The following ANKS1A variants were observed in gnomAD, a reference collection of about 807,000 sequenced individuals.
ANKS1A encodes the protein ankyrin repeat and SAM domain-containing protein 1A.
Under a neutral mutation model 120.3 loss-of-function variants are expected in ANKS1A, and 55 were observed. The ratio of observed to expected loss-of-function variants is 0.46; its 90% CI spans 0.37 to 0.57. The LOEUF is 0.57. Among genes scored for constraint, ANKS1A ranks in the 20% least tolerant of loss-of-function variants. The probability of loss-of-function intolerance (pLI) is 0.00; values close to 1 mark genes in which losing one functional copy is unlikely to be tolerated. For synonymous variants in ANKS1A, 590 were observed against 604.7 expected, an observed-to-expected ratio of 0.98 and a Z score of 0.36; for missense variants, 1,123 against 1,480.3, an observed-to-expected ratio of 0.76 and a Z score of 3.96.
chr6:35,048,830 C>T (rs1420929822), intron 11 of ANKS1A, among the ~76,000 whole-genome samples: 2 of 152,214 alleles, frequency 1.3e-5, no homozygotes, highest in Admixed American at 1.3e-4. Flanking sequence ...CACAGAGCAT[C>T]TGGTGAGGCT....
At position 35,000,105 on chromosome 6, in the gene ANKS1A, C is replaced by G. The variant is rs118138242; in HGVS notation, c.1423+5683C>G. On this transcript the variant is annotated intron_variant, in intron 10 of 23. Transcript: ENST00000360359. ...GTATTCTTCGTAACCCTGTAACACT[C>G]TAATACCACTTTGTTGTCAGTGTAG... Among the ~76,000 whole-genome samples, 1,497 of 152,272 alleles carry G rather than the reference C, an allele frequency of 9.8e-3. 38 individuals are homozygous for G. The East Asian group carries it at 0.1, about 11-fold the overall frequency.
rs1291162549 is a variant in ANKS1A, at chr6:35,057,823, TA to T, written c.2078-2323del. Among the ~76,000 whole-genome samples, 7 of 152,244 alleles carry T rather than the reference TA, an allele frequency of 4.6e-5. No individual in the cohort carries two copies. The highest frequency in any genetic ancestry group is 3.3e-4 in the Admixed American group (5 of 15,288). On this transcript the variant is annotated intron_variant, in intron 12 of 23. Coordinates refer to ENST00000360359, the MANE Select transcript of ANKS1A (RefSeq NM_015245.3). This position sits in a 1 kb window ranked among gnomAD's most constrained non-coding sequence, Gnocchi z 4.1. ...GCACAGTCATTCGTAAAGTGGCAAG[TA>T]GGGGGGTCACTTACCTGTGGGCTAT...
chr6:34,973,965 GCCTTCC>G (rs1267727221), intron 3 of ANKS1A, among the ~76,000 whole-genome samples: 1,727 of 16,796 alleles, frequency 0.1, 121 homozygotes, highest in East Asian at 0.35. Flanking sequence ...CCTTCCCCTT[GCCTTCC>G]CCTTCCCCTT....
At position 35,086,150 on chromosome 6, in the gene ANKS1A, C is replaced by A; in HGVS notation, c.3303+214C>A. ...GGCGGGCCTCTCATGCTCCTGTTTCCCTCCCTCGCTGGGCTCCCCCAAGGG... is the reference window on the plus strand; with the variant it reads ...GGCGGGCCTCTCATGCTCCTGTTTCACTCCCTCGCTGGGCTCCCCCAAGGG... On this transcript the variant is annotated intron_variant, in intron 22 of 23. Transcript: ENST00000360359. This position sits in a 1 kb window ranked among gnomAD's most constrained non-coding sequence, Gnocchi z 5.1. 8.4e-7 allele frequency: 1 copy of A among 1,187,404 alleles called. No homozygotes were observed. Among genetic ancestry groups the A allele is most frequent in the Non-Finnish European group, 1.2e-6 (1 of 861,790 alleles). 73.6% of individuals were successfully genotyped at this position (1,187,404 alleles called of 1,614,324 possible).
chr6:35,019,858 G>A (rs888390067), intron 11 of ANKS1A, among the ~76,000 whole-genome samples: 1 of 152,120 alleles, frequency 6.6e-6, no homozygotes, highest in African/African-American at 2.4e-5. Context: ...AGTGGGTGGG[G>A]GAGTGGAGAC....
At chr6:34,927,116 C>G (rs1768756507) in intron 1 of ANKS1A, among the ~76,000 whole-genome samples, 1 of 151,992 alleles carries the variant, frequency 6.6e-6, no homozygotes. Context: ...CTGGTATATA[C>G]AGAGTACTAA....
rs907799795 is a variant in ANKS1A at position 35,050,434 on chromosome 6, A to G, written c.2011-3665A>G. Among the ~76,000 whole-genome samples the G allele has an allele frequency of 6.6e-6, 1 of 152,196 alleles. No homozygotes were observed. The highest frequency in any genetic ancestry group is 2.4e-5 in the African/African-American group (1 of 41,448). Reference sequence around the variant, plus strand: ...CCACAGAAAAAGAGGAGAACACTAAATGGTGCCCGTCCATTACACTTAACC... The same window carrying G: ...CCACAGAAAAAGAGGAGAACACTAAGTGGTGCCCGTCCATTACACTTAACC... On this transcript the variant is annotated intron_variant, in intron 11 of 23. Coordinates refer to ENST00000360359, the MANE Select transcript of ANKS1A (RefSeq NM_015245.3). This position sits in a 1 kb window ranked among gnomAD's most constrained non-coding sequence, Gnocchi z 4.3.
downstream of ANKS1A, among the ~76,000 whole-genome samples, chr6:35,096,384 A>G (rs1778471699): frequency 6.6e-6 from 1 of 152,302 alleles, no homozygotes; most frequent in Non-Finnish European, 1.5e-5. Context: ...TCTGGTTTCT[A>G]CAGAATTTAT....
downstream of ANKS1A, among the ~76,000 whole-genome samples, chr6:35,092,061 T>G (rs150834956): frequency 5.9e-5 from 9 of 152,230 alleles, no homozygotes; most frequent in African/African-American, 1.2e-4. Flanking sequence ...GTTCCAGCTC[T>G]GCTAGCTTTC....
Position 35,084,322 on chromosome 6 carries a change from A to G in ANKS1A, c.3132+64A>G. ...TTGCAGCCCTGAGGCGTCCAGCCCC[A>G]TTGCAGGGCACAGATGCGGCGCTGT... is the stretch of plus-strand genomic sequence containing the variant. On this transcript the variant is annotated intron_variant, in intron 21 of 23. Transcript: ENST00000360359. This position sits in a 1 kb window ranked among gnomAD's most constrained non-coding sequence, Gnocchi z 4.8. The G allele has an allele frequency of 6.3e-7, 1 of 1,589,954 alleles. No homozygotes were observed. The highest frequency in any genetic ancestry group is 1.3e-5 in the African/African-American group (1 of 74,542).
intron 11 of ANKS1A, among the ~76,000 whole-genome samples, chr6:35,024,535 G>C (rs1774511689): frequency 6.6e-6 from 1 of 152,244 alleles, no homozygotes; most frequent in Non-Finnish European, 1.5e-5. Flanking sequence ...GTGAAGAGCA[G>C]GGACATGCTT....
chr6:34,930,934 A>G (rs901482051), intron 1 of ANKS1A, among the ~76,000 whole-genome samples: 2 of 150,682 alleles, frequency 1.3e-5, no homozygotes, highest in African/African-American at 2.4e-5. Flanking sequence ...CTGGAGCGCA[A>G]TGCAAGATCT....
intron 12 of ANKS1A, among the ~76,000 whole-genome samples, chr6:35,056,449 C>T (rs556567801): frequency 4.6e-5 from 7 of 152,086 alleles, no homozygotes; most frequent in Non-Finnish European, 8.8e-5. Context: ...CCACCACGCC[C>T]GGCTAATTTT....
At chr6:34,954,450 T>C (rs1194546299) in intron 1 of ANKS1A, among the ~76,000 whole-genome samples, 1 of 152,134 alleles carries the variant, frequency 6.6e-6, no homozygotes, top group African/African-American at 2.4e-5. Flanking sequence ...CAACATTGGA[T>C]ATAACTGCTA....
chr6:35,001,712 G>A (rs924292330), intron 10 of ANKS1A, among the ~76,000 whole-genome samples: 2 of 152,208 alleles, frequency 1.3e-5, no homozygotes, highest in Non-Finnish European at 2.9e-5. Context: ...ATCCCCGAGC[G>A]GATGTGTGGT....
rs746847418 is a variant in ANKS1A, at chr6:35,088,588, T to C, written c.3402-18T>C. On this transcript the variant is annotated intron_variant, in intron 23 of 23. Coordinates refer to ENST00000360359, the MANE Select transcript of ANKS1A (RefSeq NM_015245.3). ...ATTGGTTAACCCTTTCCTCCCCCCATTGTTTGCTTCTGCCAAGCTGAGCCA... is the reference window on the plus strand; with the variant it reads ...ATTGGTTAACCCTTTCCTCCCCCCACTGTTTGCTTCTGCCAAGCTGAGCCA... The C allele has an allele frequency of 1.9e-6, 3 of 1,614,020 alleles. No homozygotes were observed. The highest frequency in any genetic ancestry group is 1.7e-6 in the Non-Finnish European group (2 of 1,179,978).
intron 13 of ANKS1A, among the ~76,000 whole-genome samples, chr6:35,066,781 C>A (rs559440587): frequency 6.6e-6 from 1 of 152,246 alleles, no homozygotes; most frequent in South Asian, 2.1e-4. Context: ...GATAGGAAAG[C>A]AGAGAGCTGT....
chr6:34,959,015 CTTCTGGCCCA>C (rs1770505992), intron 1 of ANKS1A, among the ~76,000 whole-genome samples: 1 of 152,190 alleles, frequency 6.6e-6, no homozygotes, highest in African/African-American at 2.4e-5. Flanking sequence ...GGATTGGACA[CTTCTGGCCCA>C]TTGAGATGCC....
At chr6:34,904,886 C>G (rs1767564854) in intron 1 of ANKS1A, among the ~76,000 whole-genome samples, 1 of 152,176 alleles carries the variant, frequency 6.6e-6, no homozygotes, top group African/African-American at 2.4e-5. Flanking sequence ...GCTCGGCTCA[C>G]TGCAACCTTC....
Sources: allele counts gnomAD v4.1 joint callset (sites outside exome capture counted in the v4.1 genomes callset), GRCh38; gene constraint gnomAD v4.1.1; non-coding constraint Gnocchi (gnomAD v3.1); transcripts MANE v1.5; gene names NCBI Gene and HGNC (gene_info 2026-07-23, HGNC 2026-07-21).